The following INSYN2A variants were observed in gnomAD, a reference collection of about 807,000 sequenced individuals.
INSYN2A encodes family with sequence similarity 196 member A.
INSYN2A carries 17 observed loss-of-function variants against 39.4 expected under a neutral mutation model. The ratio of observed to expected loss-of-function variants is 0.43; its 90% CI spans 0.30 to 0.65. The LOEUF is 0.65. Among genes scored for constraint, INSYN2A ranks in the 30% least tolerant of loss-of-function variants. INSYN2A has a pLI of 0.14. For synonymous variants in INSYN2A, 255 were observed against 265.7 expected (o/e 0.96, Z 0.39); for missense variants, 595 against 631.2 (o/e 0.94, Z 0.61).
At chr10:127,154,409 C>G (rs148975831) in intron 4 of INSYN2A, among the ~76,000 whole-genome samples, 2 of 152,136 alleles carry the variant, frequency 1.3e-5, no homozygotes, top group East Asian at 3.9e-4. Context: ...TTTTTAAGCA[C>G]TTGAAAAAAA....
chr10:127,145,882 C>G (rs1224341917), intron 5 of INSYN2A: 1 of 424,724 alleles, frequency 2.4e-6, no homozygotes, highest in Non-Finnish European at 4.7e-6. Context: ...TCTGGTGTCA[C>G]CAGTGACCGG....
intron 4 of INSYN2A, among the ~76,000 whole-genome samples, chr10:127,164,512 G>C (rs563442730): frequency 6.6e-6 from 1 of 152,160 alleles, no homozygotes; most frequent in Non-Finnish European, 1.5e-5. Context: ...GCTCCTCTCT[G>C]TAGCCCTGTC....
chr10:127,158,254 A>G lies in INSYN2A; in HGVS notation c.1185-4331T>C, dbSNP rs572863115. 6.7e-4 allele frequency among the ~76,000 whole-genome samples: 102 copies of G among 152,356 alleles called. 1 individual carries two copies. Among genetic ancestry groups the G allele is most frequent in the Non-Finnish European group, 1.1e-3 (72 of 68,036 alleles). On this transcript the variant is annotated intron_variant, in intron 4 of 5. Coordinates refer to ENST00000522781, the MANE Select transcript of INSYN2A (RefSeq NM_001039762.3). ...AAAACAGTACTTTGAATGATTCTCT[A>G]TATTGCCATTGCCATAAGGAAGAAC...
Position 127,136,111 on chromosome 10 carries a change from CAT to C in INSYN2A, c.*1724_*1725del, listed in dbSNP as rs1266860683. ...TTTCCGCAGAGGATGTGTGTGTGCA[CAT>C]GTGTGTTTTAAATTAAAGCATACAA... On this transcript the variant is annotated 3_prime_UTR_variant, in exon 6 of 6. Transcript: ENST00000522781. 3 of 152,278 alleles carry C rather than the reference CAT, an allele frequency of 2.0e-5. No homozygotes were observed. Among genetic ancestry groups the C allele is most frequent in the Non-Finnish European group, 4.4e-5 (3 of 68,032 alleles). The allele number at this position is 152,278 out of a possible 1,614,324, so 9.4% of individuals were successfully genotyped here.
In INSYN2A at chr10:127,175,466, C is replaced by A. The variant is rs373397161; in HGVS notation, c.930G>T (p.Pro310=). The change falls in exon 4 of 6, where the codon CCG becomes CCT. Residue 310 remains proline (P), a synonymous_variant. Coordinates refer to ENST00000522781, the MANE Select transcript of INSYN2A (RefSeq NM_001039762.3). The surrounding 1 kb of genome is among the most constrained non-coding windows in gnomAD (Gnocchi z 6.3). ...PSETALACSP[P]MQCLSPECSE... ...TACATTCGGGGGACAGGCACTGCAT[C>A]GGGGGTGAGCAGGCCAGGGCAGTTT... The A allele has an allele frequency of 6.2e-7, 1 of 1,610,226 alleles. No homozygotes were observed. The highest frequency in any genetic ancestry group is 8.5e-7 in the Non-Finnish European group (1 of 1,180,008).
chr10:127,194,275 A>C (rs2056946339), intron 1 of INSYN2A, among the ~76,000 whole-genome samples: 1 of 152,226 alleles, frequency 6.6e-6, no homozygotes, highest in East Asian at 1.9e-4. Context: ...TAATAAAACC[A>C]TCGTGAGGAG....
chr10:127,158,715 A>G (rs2053314857), intron 4 of INSYN2A, among the ~76,000 whole-genome samples: 1 of 152,210 alleles, frequency 6.6e-6, no homozygotes, highest in Admixed American at 6.5e-5. Context: ...TTTTCTCCCC[A>G]TATGAACTCC....
chr10:127,154,849 T>C (rs1441209254), intron 4 of INSYN2A, among the ~76,000 whole-genome samples: 2 of 152,288 alleles, frequency 1.3e-5, no homozygotes, highest in African/African-American at 4.8e-5. Context: ...ATGATGAGAA[T>C]TTTCTGGACC....
chr10:127,164,050 T>G (rs2133719420), intron 4 of INSYN2A, among the ~76,000 whole-genome samples: 1 of 151,856 alleles, frequency 6.6e-6, no homozygotes, highest in African/African-American at 2.4e-5. Context: ...AGCATCACAG[T>G]TAGCAGGGAG....
intron 4 of INSYN2A, among the ~76,000 whole-genome samples, chr10:127,164,818 C>T (rs1413044180): frequency 6.6e-6 from 1 of 152,154 alleles, no homozygotes; most frequent in Non-Finnish European, 1.5e-5. Flanking sequence ...TTACATTTTC[C>T]TTCCTTCATT....
Position 127,137,779 on chromosome 10 carries a change from T to C in INSYN2A, c.*58A>G. Reference sequence around the variant, plus strand: ...CGATCCTATTCATTTTGGAAAAGTATTGACTTAAACTCCAGTGGGTTCTAA... The same window carrying C: ...CGATCCTATTCATTTTGGAAAAGTACTGACTTAAACTCCAGTGGGTTCTAA... On this transcript the variant is annotated 3_prime_UTR_variant, in exon 6 of 6. Coordinates refer to ENST00000522781, the MANE Select transcript of INSYN2A (RefSeq NM_001039762.3). 1.3e-6 allele frequency: 2 copies of C among 1,486,674 alleles called. No individual in the cohort carries two copies. The highest frequency in any genetic ancestry group is 4.7e-4 in the Middle Eastern group (2 of 4,248). 92.1% of individuals were successfully genotyped at this position (1,486,674 alleles called of 1,614,324 possible). A position where few individuals can be genotyped will look rare whatever the true frequency, so the allele number is the denominator to read the frequency against.
chr10:127,161,272 A>G (rs1273813248), intron 4 of INSYN2A, among the ~76,000 whole-genome samples: 2 of 152,216 alleles, frequency 1.3e-5, no homozygotes, highest in Admixed American at 6.5e-5. Context: ...GGAACAGCCA[A>G]TTTATGGTTG....
In INSYN2A at chr10:127,135,438, AT is replaced by A. The variant is rs941762334; in HGVS notation, c.*2398del. The A allele has an allele frequency of 2.6e-5, 4 of 152,610 alleles. No individual in the cohort carries two copies. The highest frequency in any genetic ancestry group is 3.8e-4 in the East Asian group (2 of 5,198). 9.5% of individuals were successfully genotyped at this position (152,610 alleles called of 1,614,324 possible). A position where few individuals can be genotyped will look rare whatever the true frequency, so the allele number is the denominator to read the frequency against. The stretch of plus-strand genomic sequence containing the variant: ...TTAATAGCCACATAAAACATCTTTG[AT>A]TTTTTTATTTAAAAATTAATAAAGA... On this transcript the variant is annotated 3_prime_UTR_variant, in exon 6 of 6. Transcript: ENST00000522781.
chr10:127,194,352 T>G (rs1274063305), intron 1 of INSYN2A, among the ~76,000 whole-genome samples: 1 of 152,232 alleles, frequency 6.6e-6, no homozygotes, highest in Non-Finnish European at 1.5e-5. Flanking sequence ...GGCATGCAGA[T>G]GGCAGGACTT....
intron 4 of INSYN2A, among the ~76,000 whole-genome samples, chr10:127,157,105 C>T (rs1037446657): frequency 2.0e-5 from 3 of 152,102 alleles, no homozygotes; most frequent in Admixed American, 6.5e-5. Flanking sequence ...AATGAGCGAA[C>T]GGTTAATTTT....
rs755224910 is a variant in INSYN2A at position 127,175,348 on chromosome 10, C to T, written c.1048G>A (p.Val350Met). The T allele has an allele frequency of 1.2e-5, 20 of 1,614,024 alleles. No individual in the cohort carries two copies. The highest frequency in any genetic ancestry group is 5.3e-5 in the African/African-American group (4 of 74,928). Residue 350 changes from valine (V) to methionine (M), a missense_variant, in exon 4 of 6, where the codon GTG (valine) becomes ATG (methionine). By Grantham distance (21) the Val-to-Met change is conservative. Coordinates refer to ENST00000522781, the MANE Select transcript of INSYN2A (RefSeq NM_001039762.3). This position sits in a 1 kb window ranked among gnomAD's most constrained non-coding sequence, Gnocchi z 6.3. Reference protein sequence around the residue: ...VAAGEECQRIVPHTEVVDLKA... With the variant: ...VAAGEECQRIMPHTEVVDLKA... ...AGGTCGACCACTTCCGTATGAGGCA[C>T]GATTCGTTGGCATTCTTCACCTGCA...
intron 2 of INSYN2A, among the ~76,000 whole-genome samples, chr10:127,185,630 C>T (rs899707653): frequency 6.6e-6 from 1 of 152,108 alleles, no homozygotes; most frequent in Non-Finnish European, 1.5e-5. Flanking sequence ...TCTGGATCCT[C>T]ACATTAGGTA....
Position 127,175,379 on chromosome 10 carries a change from C to T in INSYN2A, c.1017G>A (p.Ala339=), listed in dbSNP as rs771469519. ...PGLGNQPSPT[A]VAAGEECQRI... ...GTTGGCATTCTTCACCTGCAGCAAC[C>T]GCTGTGGGACTAGGCTGGTTCCCCA... Residue 339 remains alanine (A), a synonymous_variant, in exon 4 of 6, where the codon GCG becomes GCA. Coordinates refer to ENST00000522781, the MANE Select transcript of INSYN2A (RefSeq NM_001039762.3). This position sits in a 1 kb window ranked among gnomAD's most constrained non-coding sequence, Gnocchi z 6.3. The T allele has an allele frequency of 8.7e-6, 14 of 1,613,872 alleles. No individual in the cohort carries two copies. Among genetic ancestry groups the T allele is most frequent in the Middle Eastern group, 1.6e-4 (1 of 6,084 alleles).
At chr10:127,167,116 C>G (rs1298470089) in intron 4 of INSYN2A, among the ~76,000 whole-genome samples, 1 of 151,852 alleles carries the variant, frequency 6.6e-6, no homozygotes, top group Non-Finnish European at 1.5e-5. Context: ...TTTTTAAGAA[C>G]TTAAAAGTAG....
Sources: gnomAD v4.1 joint callset for allele counts (sites outside exome capture counted in the v4.1 genomes callset) on GRCh38, gnomAD v4.1.1 for gene constraint, Gnocchi (gnomAD v3.1) non-coding constraint, MANE v1.5 for transcripts, NCBI Gene and HGNC (gene_info 2026-07-23, HGNC 2026-07-21) for gene names.